Variants in ACTR1B observed in about 807,000 individuals in gnomAD.
ACTR1B encodes the protein beta-centractin.
ACTR1B carries 34 observed loss-of-function variants against 49.4 expected under a neutral mutation model. The ratio of observed to expected loss-of-function variants is 0.69; its 90% CI spans 0.52 to 0.92. The LOEUF is 0.92. Ranked by LOEUF, ACTR1B falls within the 40% of genes least tolerant of loss-of-function variation. The probability of loss-of-function intolerance (pLI) is 0.00; values close to 1 mark genes in which losing one functional copy is unlikely to be tolerated. For missense variants in ACTR1B, 471 were observed against 522.4 expected (o/e 0.90, Z 0.96); for synonymous variants, 207 against 207.8 (o/e 1.00, Z 0.03).
intron 1 of ACTR1B, 39 bp downstream of exon 1, chr2:97,663,780 TGCGCCGCCGCGTGCGCCCCCGGGG>T (rs1559291653): frequency 8.6e-7 from 1 of 1,167,170 alleles, no homozygotes; most frequent in East Asian, 4.2e-5. Context: ...GGTCTCTCCC[TGCGCCGCCGCGTGCGCCCCCGGGG>T]GCGGGGCGCC....
chr2:97,662,451 A>T (rs1230351063), intron 1 of ACTR1B, among the ~76,000 whole-genome samples: 1 of 151,472 alleles, frequency 6.6e-6, no homozygotes, highest in Non-Finnish European at 1.5e-5. Flanking sequence ...AGAACCCAGA[A>T]GGCATGGAAC....
chr2:97,660,681 G>A, intron 2 of ACTR1B, 35 bp from the exon 3 acceptor site: 1 of 1,599,974 alleles, frequency 6.3e-7, no homozygotes, highest in Non-Finnish European at 8.6e-7. Flanking sequence ...AGGTGGGCAG[G>A]GAGCATGGCA....
Position 97,663,982 on chromosome 2 carries a change from G to T in ACTR1B, c.-92C>A, listed in dbSNP as rs1013293693. ...GAGGACCGGGACGGCGGCGGCTCCCGACGCGGCGCCGCTGCCCTCCCTCCC... is the reference window on the plus strand; with the variant it reads ...GAGGACCGGGACGGCGGCGGCTCCCTACGCGGCGCCGCTGCCCTCCCTCCC... On this transcript the variant is annotated 5_prime_UTR_variant, in exon 1 of 11. Coordinates refer to ENST00000289228, the MANE Select transcript of ACTR1B (RefSeq NM_005735.4). The T allele has an allele frequency of 2.5e-6, 2 of 808,766 alleles. No homozygotes were observed. The highest frequency in any genetic ancestry group is 3.3e-6 in the Non-Finnish European group (2 of 606,580). The allele number at this position is 808,766 out of a possible 1,614,324, so 50.1% of individuals were successfully genotyped here.
chr2:97,656,826 C>A lies in ACTR1B; in HGVS notation c.*32G>T, dbSNP rs762016149. On this transcript the variant is annotated 3_prime_UTR_variant, in exon 11 of 11. Transcript: ENST00000289228. ...AAAGGCTCTGTCTCCCCTCCCTCCC[C>A]CTCTCCCAACATGCCCCGCCCTCCT... 5 of 1,531,826 alleles carry A rather than the reference C, an allele frequency of 3.3e-6. No homozygotes were observed. The South Asian group carries it at 4.8e-5, about 15-fold the overall frequency. The allele number at this position is 1,531,826 out of a possible 1,614,324, so 94.9% of individuals were successfully genotyped here.
rs1042035707 is a variant in ACTR1B at position 97,659,839 on chromosome 2, G to A, written c.190-362C>T. Reference sequence around the variant, plus strand: ...TGGCCAGCGCCGGCACCTTGCAGCCGCCCAACACGGCCCCTCCTGGGCCAC... The same window carrying A: ...TGGCCAGCGCCGGCACCTTGCAGCCACCCAACACGGCCCCTCCTGGGCCAC... On this transcript the variant is annotated intron_variant, in intron 3 of 10. Coordinates refer to ENST00000289228, the MANE Select transcript of ACTR1B (RefSeq NM_005735.4). The surrounding 1 kb of genome is among the most constrained non-coding windows in gnomAD (Gnocchi z 4.0). 1.2e-5 allele frequency: 4 copies of A among 323,712 alleles called. No homozygotes were observed. Among genetic ancestry groups the A allele is most frequent in the Non-Finnish European group, 2.3e-5 (4 of 172,730 alleles). 20.1% of individuals were successfully genotyped at this position (323,712 alleles called of 1,614,324 possible). A position where few individuals can be genotyped will look rare whatever the true frequency, so the allele number is the denominator to read the frequency against.
intron 1 of ACTR1B, among the ~76,000 whole-genome samples, chr2:97,662,425 G>C (rs1206118696): frequency 7.0e-6 from 1 of 143,438 alleles, no homozygotes; most frequent in Non-Finnish European, 1.5e-5. Context: ...TTTTTCAACA[G>C]CTTCCTTCTC....
intron 1 of ACTR1B, 88 bp downstream of exon 1, chr2:97,663,755 G>T: frequency 1.2e-6 from 1 of 846,780 alleles, no homozygotes; most frequent in Non-Finnish European, 1.5e-6. Flanking sequence ...CGGAGGACGC[G>T]CCGAGGCGGG....
At chr2:97,661,617 A>G (rs1675012356) in intron 2 of ACTR1B, among the ~76,000 whole-genome samples, 1 of 152,108 alleles carries the variant, frequency 6.6e-6, no homozygotes, top group Non-Finnish European at 1.5e-5. Context: ...TGCTGCTACC[A>G]CACCCCATCC....
chr2:97,657,368 TG>T, intron 9 of ACTR1B, 79 bp downstream of exon 9: 4 of 1,538,284 alleles, frequency 2.6e-6, no homozygotes, highest in Non-Finnish European at 2.7e-6. Flanking sequence ...TGAGCGGGTC[TG>T]GGGGCAGCAT....
chr2:97,663,841 A>T lies in ACTR1B; in HGVS notation c.48+2T>A. 2 of 1,406,924 alleles carry T rather than the reference A, an allele frequency of 1.4e-6. No homozygotes were observed. The highest frequency in any genetic ancestry group is 1.5e-5 in the African/African-American group (1 of 66,842). The allele number at this position is 1,406,924 out of a possible 1,614,324, so 87.2% of individuals were successfully genotyped here. On this transcript the variant is annotated splice_donor_variant, in intron 1 of 10. Coordinates refer to ENST00000289228, the MANE Select transcript of ACTR1B (RefSeq NM_005735.4). LOFTEE classifies it high-confidence loss of function. ...GCCCTCCCCCTGGCTGCCGGGCCTC[A>T]CGTTGTCGATGACCACAGGCTGGTT... is the stretch of plus-strand genomic sequence containing the variant.
chr2:97,658,294 TTGA>T lies in ACTR1B; in HGVS notation c.677_679del (p.Ile226del). 1 of 1,614,184 alleles carries T rather than the reference TTGA, an allele frequency of 6.2e-7. No homozygotes were observed. The highest frequency in any genetic ancestry group is 8.5e-7 in the Non-Finnish European group (1 of 1,180,034). On this transcript the variant is annotated inframe_deletion, in exon 7 of 11. Coordinates refer to ENST00000289228, the MANE Select transcript of ACTR1B (RefSeq NM_005735.4). This position sits in a 1 kb window ranked among gnomAD's most constrained non-coding sequence, Gnocchi z 5.9. ...CTCCAGAGCCTCATCCTTCTGTGGG[TTGA>T]TGGACAGGTAGCACGCTCGCTGCGG...
chr2:97,662,262 A>T (rs1034625591), intron 1 of ACTR1B, among the ~76,000 whole-genome samples: 2 of 152,178 alleles, frequency 1.3e-5, no homozygotes, highest in African/African-American at 4.8e-5. Flanking sequence ...ACTACCAACA[A>T]GGAGCTAGCC....
At position 97,657,981 on chromosome 2, in the gene ACTR1B, G is replaced by A. The variant is rs1674886818; in HGVS notation, c.887C>T (p.Ala296Val). The A allele has an allele frequency of 6.2e-7, 1 of 1,614,174 alleles. No homozygotes were observed. The highest frequency in any genetic ancestry group is 8.5e-7 in the Non-Finnish European group (1 of 1,180,032). The change falls in exon 8 of 11, where the codon GCC becomes GTC. Residue 296 changes from alanine (A) to valine (V), a missense_variant. Transcript: ENST00000289228. Reference sequence around the variant, plus strand: ...TGAGCCACCTGAGAGCACGATGTTGGCGAACAGCGTCCGGCGCAGGTCCAT... The same window carrying A: ...TGAGCCACCTGAGAGCACGATGTTGACGAACAGCGTCCGGCGCAGGTCCAT... ...SDMDLRRTLF[A>V]NIVLSGGSTL...
Position 97,663,948 on chromosome 2 carries a change from G to C in ACTR1B, c.-58C>G, listed in dbSNP as rs1573188310. 2.0e-6 allele frequency: 2 copies of C among 996,198 alleles called. No homozygotes were observed. Among genetic ancestry groups the C allele is most frequent in the African/African-American group, 1.7e-5 (1 of 57,578 alleles). 61.7% of individuals were successfully genotyped at this position (996,198 alleles called of 1,614,324 possible). A position where few individuals can be genotyped will look rare whatever the true frequency, so the allele number is the denominator to read the frequency against. On this transcript the variant is annotated 5_prime_UTR_variant, in exon 1 of 11. Coordinates refer to ENST00000289228, the MANE Select transcript of ACTR1B (RefSeq NM_005735.4). Reference sequence around the variant, plus strand: ...GGCTGCAGGAGGCACCGGATGGGCGGGCGGGCGGGAGGACCGGGACGGCGG... The same window carrying C: ...GGCTGCAGGAGGCACCGGATGGGCGCGCGGGCGGGAGGACCGGGACGGCGG...
Position 97,659,007 on chromosome 2 carries a change from C to T in ACTR1B, c.316-4G>A, listed in dbSNP as rs370511533. 34 of 1,614,004 alleles carry T rather than the reference C, an allele frequency of 2.1e-5. No homozygotes were observed. The highest frequency in any genetic ancestry group is 6.7e-5 in the East Asian group (3 of 44,880). Reference sequence around the variant, plus strand: ...CCTCCGTGAGGAGCACAGGATGCTGCGAGGGACGGGACAGTTGTAGGCATC... The same window carrying T: ...CCTCCGTGAGGAGCACAGGATGCTGTGAGGGACGGGACAGTTGTAGGCATC... On this transcript the variant is annotated splice_region_variant and splice_polypyrimidine_tract_variant and intron_variant, in intron 4 of 10. Coordinates refer to ENST00000289228, the MANE Select transcript of ACTR1B (RefSeq NM_005735.4). This position sits in a 1 kb window ranked among gnomAD's most constrained non-coding sequence, Gnocchi z 4.0.
In ACTR1B at chr2:97,659,796, A is replaced by C; in HGVS notation, c.190-319T>G. The C allele has an allele frequency of 2.3e-5, 9 of 383,880 alleles. No individual in the cohort carries two copies. The highest frequency in any genetic ancestry group is 4.2e-5 in the African/African-American group (2 of 47,252). 23.8% of individuals were successfully genotyped at this position (383,880 alleles called of 1,614,324 possible). ...GGCACATCCCCCACATTCTCCTCAC[A>C]CTCTGCCAGCTCCCCTCTGGCCAGC... is the stretch of plus-strand genomic sequence containing the variant. On this transcript the variant is annotated intron_variant, in intron 3 of 10. Transcript: ENST00000289228. This position sits in a 1 kb window ranked among gnomAD's most constrained non-coding sequence, Gnocchi z 4.0.
rs1350671022 is a variant in ACTR1B at position 97,661,776 on chromosome 2, T to C, written c.113+106A>G. 4 of 1,183,106 alleles carry C rather than the reference T, an allele frequency of 3.4e-6. No individual in the cohort carries two copies. The East Asian group carries it at 7.7e-5, about 23-fold the overall frequency. 73.3% of individuals were successfully genotyped at this position (1,183,106 alleles called of 1,614,324 possible). On this transcript the variant is annotated intron_variant, in intron 2 of 10. Coordinates refer to ENST00000289228, the MANE Select transcript of ACTR1B (RefSeq NM_005735.4). ...AACCTCACAAATTTGGTGTTTTCCA[T>C]ACAGGTCAGGGCACAAATTGTCTTC...
chr2:97,656,888 G>A lies in ACTR1B; in HGVS notation c.1101C>T (p.Gly367=), dbSNP rs1489597825. Residue 367 remains glycine, a synonymous_variant, in exon 11 of 11, where the codon GGC becomes GGT. Coordinates refer to ENST00000289228, the MANE Select transcript of ACTR1B (RefSeq NM_005735.4). Reference sequence around the variant, plus strand: ...AAGTTTTGCGATGAATAGCACGGGAGCCATCCTCTTCATACTCCTTTTTGG... The same window carrying A: ...AAGTTTTGCGATGAATAGCACGGGAACCATCCTCTTCATACTCCTTTTTGG... The part of the protein sequence containing the change: ...WVSKKEYEED[G]SRAIHRKTF 8 of 1,591,672 alleles carry A rather than the reference G, an allele frequency of 5.0e-6. No homozygotes were observed. Among genetic ancestry groups the A allele is most frequent in the African/African-American group, 4.0e-5 (3 of 74,870 alleles).
chr2:97,663,202 C>G (rs1675071494), intron 1 of ACTR1B, among the ~76,000 whole-genome samples: 1 of 152,220 alleles, frequency 6.6e-6, no homozygotes, highest in South Asian at 2.1e-4. Context: ...CATCTTTCCT[C>G]TGAGGCTTCC....
Sources: allele counts gnomAD v4.1 joint callset (sites outside exome capture counted in the v4.1 genomes callset), GRCh38; gene constraint gnomAD v4.1.1; non-coding constraint Gnocchi (gnomAD v3.1); transcripts MANE v1.5; gene names NCBI Gene and HGNC (gene_info 2026-07-23, HGNC 2026-07-21).